PPM1B: variants seen among roughly 807,000 people sequenced by gnomAD.
PPM1B encodes the protein protein phosphatase, Mg2+/Mn2+ dependent 1B.
In PPM1B, 22 loss-of-function variants were observed where a neutral mutation model predicts 43.0. The ratio of observed to expected loss-of-function variants is 0.51; its 90% confidence interval spans 0.37 to 0.73. The LOEUF is 0.73. PPM1B is among the 30% of genes least tolerant of loss of function. The pLI is 0.00. For synonymous variants in PPM1B, 217 were observed against 197.9 expected, an observed-to-expected ratio of 1.10 and a Z score of -0.81; for missense variants, 632 against 584.2, an observed-to-expected ratio of 1.08 and a Z score of -0.84.
chr2:44,173,997 T>C (rs1667470122), intron 1 of PPM1B, among the ~76,000 whole-genome samples: 1 of 152,238 alleles, frequency 6.6e-6, no homozygotes, highest in African/African-American at 2.4e-5. Context: ...AAGAACCTTG[T>C]AGCTTAATCA....
chr2:44,190,539 C>G (rs1301141452), intron 1 of PPM1B, among the ~76,000 whole-genome samples: 1 of 152,032 alleles, frequency 6.6e-6, no homozygotes, highest in Admixed American at 6.6e-5. Context: ...GCTTTTCTCC[C>G]CTTTGCTTGT....
chr2:44,181,054 C>T (rs1667850188), intron 1 of PPM1B, among the ~76,000 whole-genome samples: 1 of 152,048 alleles, frequency 6.6e-6, no homozygotes, highest in African/African-American at 2.4e-5. Context: ...AAGCAGTCGT[C>T]CTACCCCAGC....
intron 1 of PPM1B, among the ~76,000 whole-genome samples, chr2:44,169,923 A>G (rs891651352): frequency 1.3e-5 from 2 of 151,390 alleles, no homozygotes; most frequent in Non-Finnish European, 2.9e-5. Context: ...TCAGTACCCC[A>G]AATCTACCGG....
chr2:44,206,200 T>A (rs947141477), intron 2 of PPM1B, among the ~76,000 whole-genome samples: 3 of 152,240 alleles, frequency 2.0e-5, no homozygotes, highest in Non-Finnish European at 4.4e-5. Context: ...GCAGAGCTAA[T>A]TTCTTTAGTT....
chr2:44,207,860 G>C (rs1476032293), intron 2 of PPM1B, among the ~76,000 whole-genome samples: 1 of 147,742 alleles, frequency 6.8e-6, no homozygotes, highest in Non-Finnish European at 1.5e-5. Flanking sequence ...TGGGATTATA[G>C]CCATGAGTCA....
chr2:44,201,075 G>A lies in PPM1B; in HGVS notation c.-14-111G>A. The A allele has an allele frequency of 8.6e-7, 1 of 1,157,572 alleles. No homozygotes were observed. Among genetic ancestry groups the A allele is most frequent in the Non-Finnish European group, 1.2e-6 (1 of 845,670 alleles). The allele number at this position is 1,157,572 out of a possible 1,614,324, so 71.7% of individuals were successfully genotyped here. On this transcript the variant is annotated intron_variant, in intron 1 of 5. Coordinates refer to ENST00000282412, the MANE Select transcript of PPM1B (RefSeq NM_002706.6). This position sits in a 1 kb window ranked among gnomAD's most constrained non-coding sequence, Gnocchi z 5.4. ...TTTTGTTGTTGCTCCCGTAAATTAG[G>A]ATAATACTAAAAAAAATACTTGAGG...
chr2:44,173,665 G>A (rs568348407), intron 1 of PPM1B, among the ~76,000 whole-genome samples: 3 of 152,132 alleles, frequency 2.0e-5, no homozygotes, highest in South Asian at 2.1e-4. Context: ...CTTCATGGCC[G>A]GGCACAGTGG....
chr2:44,195,765 AAGAC>A (rs1450669727), intron 1 of PPM1B, among the ~76,000 whole-genome samples: 5 of 152,218 alleles, frequency 3.3e-5, no homozygotes, highest in Non-Finnish European at 5.9e-5. Flanking sequence ...CAATCTGAAC[AAGAC>A]TTAGTGACTT....
chr2:44,171,464 T>G (rs1667340670), intron 1 of PPM1B, among the ~76,000 whole-genome samples: 1 of 152,212 alleles, frequency 6.6e-6, no homozygotes. Context: ...ATGATGCTGA[T>G]TATGTCTTGG....
At chr2:44,178,604 G>C (rs989643877) in intron 1 of PPM1B, among the ~76,000 whole-genome samples, 1 of 151,904 alleles carries the variant, frequency 6.6e-6, no homozygotes, top group Non-Finnish European at 1.5e-5. Context: ...AAGTAGCTGG[G>C]ATTACAGGCA....
In PPM1B at chr2:44,230,486, A is replaced by G; in HGVS notation, c.1208A>G (p.His403Arg). Reference sequence around the variant, plus strand: ...GCTCTCAGGCAAATGAGAATTAATCATAGGGGAAACTACCGACAACTTCTG... The same window carrying G: ...GCTCTCAGGCAAATGAGAATTAATCGTAGGGGAAACTACCGACAACTTCTG... ...VEALRQMRIN[H>R]RGNYRQLLEE... The change falls in exon 6 of 6, where the codon CAT becomes CGT. Residue 403 changes from histidine to arginine, a missense_variant. His to Arg is a conservative substitution (Grantham distance 29). Around this residue, in one of 3 missense-constraint regions of PPM1B, gnomAD observed 392 missense variants for 302.7 expected, o/e 1.29. Coordinates refer to ENST00000282412, the MANE Select transcript of PPM1B (RefSeq NM_002706.6). 1.2e-6 allele frequency: 2 copies of G among 1,614,190 alleles called. No individual in the cohort carries two copies. Among genetic ancestry groups the G allele is most frequent in the Non-Finnish European group, 1.7e-6 (2 of 1,180,020 alleles).
chr2:44,229,899 G>A (rs1291694190), intron 5 of PPM1B: 2 of 1,177,920 alleles, frequency 1.7e-6, no homozygotes, highest in East Asian at 5.5e-5. Context: ...AGAGCAAAAA[G>A]TAAATACAAT....
At chr2:44,177,138 A>C (rs889943398) in intron 1 of PPM1B, among the ~76,000 whole-genome samples, 3 of 152,198 alleles carry the variant, frequency 2.0e-5, no homozygotes, top group South Asian at 2.1e-4. Flanking sequence ...GCTGATATGC[A>C]AGAGAACTTG....
intron 1 of PPM1B, among the ~76,000 whole-genome samples, chr2:44,178,955 C>G (rs556568023): frequency 6.6e-6 from 1 of 152,006 alleles, no homozygotes; most frequent in Non-Finnish European, 1.5e-5. Context: ...ATTTTGCATT[C>G]TTTTAAAAAA....
chr2:44,188,763 TTTCCTTCCTTCC>T (rs528327372), intron 1 of PPM1B, among the ~76,000 whole-genome samples: 7 of 139,598 alleles, frequency 5.0e-5, no homozygotes, highest in Admixed American at 2.2e-4. Context: ...TCCTTCCTTC[TTTCCTTCCTTCC>T]TTCCTTCCCT....
chr2:44,177,980 C>A (rs976742859), intron 1 of PPM1B, among the ~76,000 whole-genome samples: 1 of 146,772 alleles, frequency 6.8e-6, no homozygotes. Flanking sequence ...TGCAGTGGCT[C>A]AATCTTGGCT....
At chr2:44,202,269 A>G (rs1021679308) in intron 2 of PPM1B, among the ~76,000 whole-genome samples, 1 of 152,214 alleles carries the variant, frequency 6.6e-6, no homozygotes, top group South Asian at 2.1e-4. Context: ...ATTTGTTGTC[A>G]TTTAAGTACT....
intron 1 of PPM1B, among the ~76,000 whole-genome samples, chr2:44,172,904 C>A (rs1400064218): frequency 6.6e-6 from 1 of 152,210 alleles, no homozygotes; most frequent in Non-Finnish European, 1.5e-5. Flanking sequence ...GAAACCACGC[C>A]TCTATTTTTT....
At chr2:44,219,654 G>A (rs1274038447) in intron 5 of PPM1B, among the ~76,000 whole-genome samples, 1 of 152,002 alleles carries the variant, frequency 6.6e-6, no homozygotes. Context: ...ATTAAGAATT[G>A]TACCCAAGGC....
Sources: allele counts gnomAD v4.1 joint callset (sites outside exome capture counted in the v4.1 genomes callset), GRCh38; gene constraint gnomAD v4.1.1; regional missense constraint gnomAD v4.1.1; non-coding constraint Gnocchi (gnomAD v3.1); transcripts MANE v1.5; gene names NCBI Gene and HGNC (gene_info 2026-07-23, HGNC 2026-07-21).